ATG7: variants seen among roughly 807,000 people sequenced by gnomAD.
ATG7 encodes the protein autophagy related 7, also known as ubiquitin-like modifier-activating enzyme ATG7.
Under a neutral mutation model 82.4 loss-of-function variants are expected in ATG7, and 70 were observed. The observed-to-expected ratio is 0.85, with a 90% CI of 0.70 to 1.04. The LOEUF is 1.04. Ranked by LOEUF, ATG7 falls within the 50% of genes least tolerant of loss-of-function variation. The probability of loss-of-function intolerance (pLI) is 0.00; values close to 1 mark genes in which losing one functional copy is unlikely to be tolerated. For missense variants in ATG7, 792 were observed against 864.3 expected, an observed-to-expected ratio of 0.92 and a Z score of 1.05; for synonymous variants, 287 against 313.0, an observed-to-expected ratio of 0.92 and a Z score of 0.88.
intron 20 of ATG7, among the ~76,000 whole-genome samples, chr3:11,502,493 C>T (rs1243902925): frequency 6.7e-6 from 1 of 148,558 alleles, no homozygotes; most frequent in South Asian, 2.2e-4. Flanking sequence ...TTTGTTCTTG[C>T]GATAGTTTAC....
intron 14 of ATG7, among the ~76,000 whole-genome samples, chr3:11,355,352 A>G (rs1484145331): frequency 6.6e-6 from 1 of 152,200 alleles, no homozygotes; most frequent in Non-Finnish European, 1.5e-5. Context: ...AGGACCTAGT[A>G]AATACTATGA....
intron 20 of ATG7, among the ~76,000 whole-genome samples, chr3:11,528,006 C>G (rs952538517): frequency 1.4e-4 from 21 of 152,212 alleles, no homozygotes; most frequent in African/African-American, 5.1e-4. Flanking sequence ...ATTAAATCTT[C>G]CCTGCTTTGC....
chr3:11,533,403 T>G (rs1406113907), intron 20 of ATG7, among the ~76,000 whole-genome samples: 1 of 152,116 alleles, frequency 6.6e-6, no homozygotes, highest in Non-Finnish European at 1.5e-5. Flanking sequence ...AAAGTGATTT[T>G]TAAGTGTAAT....
At chr3:11,442,739 C>CAAAAAAAAAAA (rs57073881) in intron 20 of ATG7, among the ~76,000 whole-genome samples, 1 of 69,252 alleles carries the variant, frequency 1.4e-5, no homozygotes, top group Non-Finnish European at 2.5e-5. Flanking sequence ...TCCATCTCTA[C>CAAAAAAAAAAA]AAAAAAAAAA....
At chr3:11,550,036 C>G (rs913935890) in intron 20 of ATG7, among the ~76,000 whole-genome samples, 96 of 152,298 alleles carry the variant, frequency 6.3e-4, no homozygotes, top group Non-Finnish European at 5.4e-4. Flanking sequence ...AGTTTCTCTT[C>G]CAATCTTTTC....
downstream of ATG7, chr3:11,558,422 C>T: frequency 7.3e-7 from 1 of 1,362,786 alleles, no homozygotes; most frequent in East Asian, 2.5e-5. Flanking sequence ...ATCCCAACAA[C>T]ATGGTTTTTG....
At chr3:11,340,450 G>A (rs769298942) in intron 11 of ATG7, among the ~76,000 whole-genome samples, 195 bp from the exon 12 acceptor site, 50 of 152,116 alleles carry the variant, frequency 3.3e-4, no homozygotes, top group Non-Finnish European at 6.0e-4. Flanking sequence ...CAGTAGTTGG[G>A]AAAGATGGGG....
chr3:11,277,896 C>CT (rs1486174192), intron 1 of ATG7, among the ~76,000 whole-genome samples: 1 of 128,110 alleles, frequency 7.8e-6, no homozygotes, highest in Non-Finnish European at 1.7e-5. Context: ...TATAGACCCC[C>CT]CCCCCCCCAC....
chr3:11,560,061 C>A (rs1426982977), downstream of ATG7, among the ~76,000 whole-genome samples: 2 of 152,130 alleles, frequency 1.3e-5, no homozygotes, highest in Non-Finnish European at 2.9e-5. Context: ...CCTTCACCCC[C>A]ACCCCCACGC....
At chr3:11,332,511 AATCTACAATTAT>A (rs1253625944) in intron 10 of ATG7, among the ~76,000 whole-genome samples, 3 of 152,212 alleles carry the variant, frequency 2.0e-5, no homozygotes, top group Non-Finnish European at 4.4e-5. Context: ...TGAGGGAGAC[AATCTACAATTAT>A]CCAGGTGGTA....
intron 5 of ATG7, among the ~76,000 whole-genome samples, chr3:11,300,917 C>T (rs376872034): frequency 1.1e-4 from 16 of 152,164 alleles, no homozygotes; most frequent in South Asian, 2.1e-4. Context: ...GCAGGTTAGA[C>T]GTATTAAATA....
rs1375707432 is a variant in ATG7, at chr3:11,491,784, G to A, written c.2080-63027G>A. ...TACTAGCAGCGGTGTCTGCAGAATA[G>A]CGAATTTTTGTGAACCGTGAATGCT... On this transcript the variant is annotated intron_variant, in intron 20 of 20. Transcript: ENST00000693202. Among the ~76,000 whole-genome samples the A allele has an allele frequency of 7.9e-5, 12 of 152,206 alleles. No individual in the cohort carries two copies. The East Asian group carries it at 2.3e-3, about 29-fold the overall frequency.
chr3:11,423,018 G>A (rs1034056332), intron 19 of ATG7, among the ~76,000 whole-genome samples: 2 of 152,116 alleles, frequency 1.3e-5, no homozygotes, highest in Non-Finnish European at 1.5e-5. Context: ...GCCTCTCAAA[G>A]TGCTGGGATT....
chr3:11,333,738 G>A (rs1003181731), intron 11 of ATG7, among the ~76,000 whole-genome samples: 2 of 150,922 alleles, frequency 1.3e-5, no homozygotes, highest in Non-Finnish European at 2.9e-5. Context: ...GCCCAGCTCC[G>A]GATATATTTC....
At chr3:11,404,581 T>C (rs1559550617) in intron 19 of ATG7, among the ~76,000 whole-genome samples, 1 of 152,014 alleles carries the variant, frequency 6.6e-6, no homozygotes, top group Non-Finnish European at 1.5e-5. Context: ...GTGTGTGGTT[T>C]TGGGCATGTA....
intron 20 of ATG7, among the ~76,000 whole-genome samples, chr3:11,528,825 CAAAAAAAAAAAA>C (rs11377789): frequency 1.1e-5 from 1 of 88,746 alleles, no homozygotes; most frequent in Non-Finnish European, 2.3e-5. Flanking sequence ...GACTCCATCT[CAAAAAAAAAAAA>C]AAAAAAAAAG....
chr3:11,543,216 C>A (rs949855456), intron 20 of ATG7, among the ~76,000 whole-genome samples: 6 of 152,258 alleles, frequency 3.9e-5, no homozygotes, highest in Admixed American at 3.9e-4. Context: ...TTACCAGCCG[C>A]CTTGGCCATG....
intron 20 of ATG7, among the ~76,000 whole-genome samples, chr3:11,437,533 G>A (rs111943703): frequency 1.0e-3 from 154 of 152,186 alleles, no homozygotes; most frequent in African/African-American, 3.5e-3. Context: ...ATCCCAACCT[G>A]GATCTGAATT....
At chr3:11,535,113 TG>T (rs778985426) in intron 20 of ATG7, among the ~76,000 whole-genome samples, 3 of 152,242 alleles carry the variant, frequency 2.0e-5, no homozygotes, top group Non-Finnish European at 4.4e-5. Context: ...ATGTGTTGCT[TG>T]GGGGCCCCCC....
Sources: allele counts gnomAD v4.1 joint callset (sites outside exome capture counted in the v4.1 genomes callset), GRCh38; gene constraint gnomAD v4.1.1; transcripts MANE v1.5; gene names NCBI Gene and HGNC (gene_info 2026-07-23, HGNC 2026-07-21).